Variants in DCUN1D4 observed in about 807,000 individuals in gnomAD.
DCUN1D4 encodes defective in cullin neddylation 1 domain containing 4.
A neutral mutation model predicts 47.9 loss-of-function variants in DCUN1D4; 22 were observed. That is an observed-to-expected ratio of 0.46 (90% CI 0.33 to 0.66). The LOEUF (loss-of-function observed/expected upper bound fraction) is 0.66, where lower values mean the gene tolerates loss of function less well. Among genes scored for constraint, DCUN1D4 ranks in the 30% least tolerant of loss-of-function variants. The pLI, the probability that DCUN1D4 is intolerant of heterozygous loss-of-function variation, is 0.02. For synonymous variants in DCUN1D4, 121 were observed against 112.2 expected, an observed-to-expected ratio of 1.08 and a Z score of -0.50; for missense variants, 301 against 340.8, an observed-to-expected ratio of 0.88 and a Z score of 0.92.
chr4:51,834,096 C>A, the DCUN1D4 span, among the ~76,000 whole-genome samples: 2 of 43,572 alleles, frequency 4.6e-5, no homozygotes, highest in South Asian at 9.4e-4. Flanking sequence ...CTTTTCTTTT[C>A]TTCTTTCTTT....
At chr4:51,886,488 T>C in intron 5 of DCUN1D4, 80 bp from the exon 6 acceptor site, 1 of 1,228,322 alleles carries the variant, frequency 8.1e-7, no homozygotes, top group Non-Finnish European at 1.1e-6. Context: ...GTCTTACTTG[T>C]TGACAGTATA....
intron 5 of DCUN1D4, among the ~76,000 whole-genome samples, chr4:51,881,245 C>T (rs890395216): frequency 6.6e-6 from 1 of 152,216 alleles, no homozygotes; most frequent in African/African-American, 2.4e-5. Flanking sequence ...ATTGGTTTTA[C>T]AGTTATACTA....
chr4:51,905,882 AT>A (rs2110121239), intron 8 of DCUN1D4, among the ~76,000 whole-genome samples: 1 of 152,208 alleles, frequency 6.6e-6, no homozygotes, highest in African/African-American at 2.4e-5. Flanking sequence ...GAAGGGACAG[AT>A]TTAGAGTGAG....
chr4:51,906,099 A>G (rs1732851588), intron 8 of DCUN1D4, among the ~76,000 whole-genome samples: 1 of 152,146 alleles, frequency 6.6e-6, no homozygotes, highest in South Asian at 2.1e-4. Context: ...TCGAATGAAG[A>G]GTCTTGTGGA....
At chr4:51,843,087 G>C, upstream of DCUN1D4, 1 of 1,417,372 alleles carries the variant, frequency 7.1e-7, no homozygotes, top group Non-Finnish European at 9.2e-7. Flanking sequence ...GGCGGCCCCT[G>C]AGCCGCGGTT....
intron 6 of DCUN1D4, among the ~76,000 whole-genome samples, chr4:51,888,394 C>T (rs760744282): frequency 1.3e-5 from 2 of 152,170 alleles, no homozygotes; most frequent in Non-Finnish European, 2.9e-5. Context: ...AATACCAGTA[C>T]TCAATAAAAG....
At chr4:51,840,201 C>T (rs1432898579), upstream of DCUN1D4, among the ~76,000 whole-genome samples, 1 of 151,630 alleles carries the variant, frequency 6.6e-6, no homozygotes, top group African/African-American at 2.4e-5. Context: ...AGAAGTATAA[C>T]ATTATTATCT....
chr4:51,851,885 G>A (rs1723430908), intron 1 of DCUN1D4, among the ~76,000 whole-genome samples: 1 of 152,242 alleles, frequency 6.6e-6, no homozygotes, highest in South Asian at 2.1e-4. Context: ...TATAAGTGGT[G>A]AATTGAGATT....
At chr4:51,900,226 C>T (rs1402860063) in intron 8 of DCUN1D4, among the ~76,000 whole-genome samples, 1 of 151,642 alleles carries the variant, frequency 6.6e-6, no homozygotes, top group Non-Finnish European at 1.5e-5. Context: ...CTCTCTTTGG[C>T]TCTGCCAGTT....
Position 51,877,799 on chromosome 4 carries a change from TGAA to T in DCUN1D4, c.296_298del (p.Glu99del), listed in dbSNP as rs748129189. 6 of 1,612,080 alleles carry T rather than the reference TGAA, an allele frequency of 3.7e-6. No individual in the cohort carries two copies. The highest frequency in any genetic ancestry group is 1.1e-5 in the South Asian group (1 of 90,732). The stretch of plus-strand genomic sequence containing the variant: ...AATATGATTCGACTAGAATAAAGAC[TGAA>T]GAAGAAGCCTTTTCAAGTAAAAGGT... On this transcript the variant is annotated inframe_deletion, in exon 5 of 11. Transcript: ENST00000334635.
chr4:51,852,740 A>G (rs770367472), intron 1 of DCUN1D4, among the ~76,000 whole-genome samples: 2 of 152,214 alleles, frequency 1.3e-5, no homozygotes, highest in Admixed American at 6.5e-5. Context: ...ATCTCATTTA[A>G]TAATCCCCAC....
chr4:51,844,803 G>C (rs544794278), intron 1 of DCUN1D4: 1 of 983,144 alleles, frequency 1.0e-6, no homozygotes, highest in Admixed American at 6.2e-5. Context: ...GGCCGCGCCC[G>C]GCCGCGGTTG....
At position 51,877,851 on chromosome 4, in the gene DCUN1D4, G is replaced by T. The variant is rs1340896668; in HGVS notation, c.340G>T (p.Ala114Ser). The change falls in exon 5 of 11, where the codon GCA (alanine) becomes TCA (serine). Residue 114 changes from alanine to serine, a missense_variant. Transcript: ENST00000334635. The stretch of plus-strand genomic sequence containing the variant: ...GTGCTTGGAATGGTTCTATGAATAT[G>T]CAGGTAGGTATTCATTTGTATCATC... ...KRCLEWFYEY[A>S]GTDDVVGPEG... is the part of the protein sequence containing the mutation. 8.1e-6 allele frequency: 13 copies of T among 1,596,122 alleles called. No individual in the cohort carries two copies. The highest frequency in any genetic ancestry group is 1.1e-5 in the Non-Finnish European group (13 of 1,165,410).
At chr4:51,849,243 T>C (rs1723004604) in intron 1 of DCUN1D4, among the ~76,000 whole-genome samples, 1 of 152,200 alleles carries the variant, frequency 6.6e-6, no homozygotes, top group Admixed American at 6.5e-5. Context: ...GTAGCCCATG[T>C]GGCCATTTTC....
chr4:51,844,300 G>T, intron 1 of DCUN1D4: 2 of 982,990 alleles, frequency 2.0e-6, no homozygotes, highest in Non-Finnish European at 2.4e-6. Flanking sequence ...CAAGCTTCGG[G>T]GTGCGGAGAG....
At chr4:51,834,114 C>CTTTTTTTTT in the DCUN1D4 span, among the ~76,000 whole-genome samples, 901 of 37,172 alleles carry the variant, frequency 0.024, 172 homozygotes, top group African/African-American at 0.086. Flanking sequence ...TTTTTTTTTT[C>CTTTTTTTTT]TTTTTTTTTT....
chr4:51,868,195 G>C (rs1393471172), intron 3 of DCUN1D4, among the ~76,000 whole-genome samples: 1 of 152,216 alleles, frequency 6.6e-6, no homozygotes, highest in Non-Finnish European at 1.5e-5. Flanking sequence ...GTCCTTGAGA[G>C]TGCAGGGATG....
chr4:51,854,563 C>G (rs1339816279), intron 1 of DCUN1D4, among the ~76,000 whole-genome samples: 3 of 152,158 alleles, frequency 2.0e-5, no homozygotes, highest in African/African-American at 7.2e-5. Flanking sequence ...AACCCACATG[C>G]ATTTCTAGTC....
Position 51,878,038 on chromosome 4 carries a change from A to G in DCUN1D4, c.343+184A>G, listed in dbSNP as rs1727963606. On this transcript the variant is annotated intron_variant, in intron 5 of 10. Coordinates refer to ENST00000334635, the MANE Select transcript of DCUN1D4 (RefSeq NM_001040402.3). ...CCAGATAGCCTATTTTATAGCCAGC[A>G]GCTAAGCCAAATAATTCAGAACACT... The G allele has an allele frequency of 1.7e-5, 6 of 359,364 alleles. No individual in the cohort carries two copies. In the East Asian group the frequency reaches 2.6e-4, roughly 15 times the overall value. The allele number at this position is 359,364 out of a possible 1,614,324, so 22.3% of individuals were successfully genotyped here.
Sources: gnomAD v4.1 joint callset for allele counts (sites outside exome capture counted in the v4.1 genomes callset) on GRCh38, gnomAD v4.1.1 for gene constraint, MANE v1.5 for transcripts, NCBI Gene and HGNC (gene_info 2026-07-23, HGNC 2026-07-21) for gene names.